TTC28: variants seen among roughly 807,000 people sequenced by gnomAD.
TTC28 encodes tetratricopeptide repeat domain 28, also known as tetratricopeptide repeat protein 28.
In TTC28, 61 loss-of-function variants were observed where a neutral mutation model predicts 198.0. That is an observed-to-expected ratio of 0.31 (90% CI 0.25 to 0.38). The LOEUF is 0.38. Among genes scored for constraint, TTC28 ranks in the 10% least tolerant of loss-of-function variants. The pLI is 1.00. For synonymous variants in TTC28, 1,171 were observed against 1,297.8 expected (o/e 0.90, Z 2.10); for missense variants, 2,678 against 3,164.0 (o/e 0.85, Z 3.69).
rs117957526 is a variant in TTC28 at position 28,260,896 on chromosome 22, C to T, written c.933+35302G>A. ...ATAAAATAGCACAGTAAGATATGCA[C>T]CATCACCTACTCCTACTTTCTCTTC... is the stretch of plus-strand genomic sequence containing the variant. On this transcript the variant is annotated intron_variant, in intron 5 of 22. Coordinates refer to ENST00000397906, the MANE Select transcript of TTC28 (RefSeq NM_001145418.2). Among the ~76,000 whole-genome samples the T allele has an allele frequency of 3.2e-3, 486 of 152,222 alleles. 1 individual carries two copies. Among genetic ancestry groups the T allele is most frequent in the East Asian group, 8.7e-3 (45 of 5,178 alleles).
At chr22:28,411,015 T>TGAAAAAAAC (rs1227066557) in intron 2 of TTC28, among the ~76,000 whole-genome samples, 3 of 151,746 alleles carry the variant, frequency 2.0e-5, no homozygotes, top group Admixed American at 2.0e-4. Context: ...AATTTGAAAA[T>TGAAAAAAAC]GAAAAAAAGA....
chr22:28,093,805 G>C (rs896690550), intron 12 of TTC28, among the ~76,000 whole-genome samples: 5 of 152,136 alleles, frequency 3.3e-5, no homozygotes, highest in African/African-American at 7.2e-5. Context: ...CCATGTTTAT[G>C]TTTAAACAGT....
At chr22:28,604,319 A>G (rs987092328) in intron 2 of TTC28, among the ~76,000 whole-genome samples, 1 of 144,984 alleles carries the variant, frequency 6.9e-6, no homozygotes, top group Non-Finnish European at 1.5e-5. Flanking sequence ...ATATATATAT[A>G]TATGTCTTTA....
chr22:28,494,245 C>G (rs1249358620), intron 2 of TTC28, among the ~76,000 whole-genome samples: 5 of 152,182 alleles, frequency 3.3e-5, no homozygotes, highest in Admixed American at 3.3e-4. Context: ...GTACTCCACT[C>G]TTAAATATTA....
intron 2 of TTC28, among the ~76,000 whole-genome samples, chr22:28,496,401 C>T (rs2048456108): frequency 6.6e-6 from 1 of 152,066 alleles, no homozygotes; most frequent in East Asian, 1.9e-4. Flanking sequence ...CAGTCTTTGC[C>T]ATTTTAGTTA....
At chr22:28,620,759 A>G (rs1011225701) in intron 2 of TTC28, among the ~76,000 whole-genome samples, 1 of 152,228 alleles carries the variant, frequency 6.6e-6, no homozygotes, top group African/African-American at 2.4e-5. Flanking sequence ...CCAAAGAACA[A>G]TAACATCTGC....
rs547953816 is a variant in TTC28, at chr22:28,313,525, G to A, written c.382-6882C>T. On this transcript the variant is annotated intron_variant, in intron 2 of 22. Transcript: ENST00000397906. ...AAAGCTTATCCACAACAATCAAGAC[G>A]GCTTCATCCCTGGGATGCAAGGCTG... Among the ~76,000 whole-genome samples, 8 of 152,206 alleles carry A rather than the reference G, an allele frequency of 5.3e-5. No homozygotes were observed. In the East Asian group the frequency reaches 5.8e-4, roughly 11 times the overall value.
intron 12 of TTC28, among the ~76,000 whole-genome samples, chr22:28,038,106 T>C (rs1939442259): frequency 6.6e-6 from 1 of 152,192 alleles, no homozygotes; most frequent in South Asian, 2.1e-4. Context: ...AGGTAATTTA[T>C]AGATTCAAGG....
intron 5 of TTC28, among the ~76,000 whole-genome samples, chr22:28,261,564 T>C (rs1931323703): frequency 6.6e-6 from 1 of 152,180 alleles, no homozygotes; most frequent in Non-Finnish European, 1.5e-5. Context: ...TGACTTACTA[T>C]TTTAACTGAT....
chr22:28,399,560 C>G (rs1190400687), intron 2 of TTC28, among the ~76,000 whole-genome samples: 1 of 152,022 alleles, frequency 6.6e-6, no homozygotes, highest in Non-Finnish European at 1.5e-5. Context: ...TCACCTTGGC[C>G]CCCCAAAGTG....
chr22:28,496,893 C>A (rs2048463094), intron 2 of TTC28, among the ~76,000 whole-genome samples: 1 of 152,170 alleles, frequency 6.6e-6, no homozygotes, highest in Non-Finnish European at 1.5e-5. Flanking sequence ...GACACACTGC[C>A]TCTGTCTACT....
intron 14 of TTC28, among the ~76,000 whole-genome samples, chr22:28,012,822 C>T (rs187966022): frequency 4.8e-4 from 73 of 152,232 alleles, no homozygotes; most frequent in Middle Eastern, 3.4e-3. Flanking sequence ...AGGTGCTTTA[C>T]ACATTTGTCT....
chr22:27,988,268 G>A (rs902652762), intron 21 of TTC28, among the ~76,000 whole-genome samples: 4 of 149,144 alleles, frequency 2.7e-5, no homozygotes, highest in Admixed American at 6.7e-5. Flanking sequence ...GACCCCGAGC[G>A]AGAAGAAGCT....
intron 2 of TTC28, among the ~76,000 whole-genome samples, chr22:28,462,895 G>C (rs75449558): frequency 8.5e-5 from 13 of 152,232 alleles, no homozygotes; most frequent in African/African-American, 2.4e-4. Flanking sequence ...CTAGAGACCA[G>C]GCTTTGAGAA....
intron 2 of TTC28, among the ~76,000 whole-genome samples, chr22:28,524,219 A>G (rs1187531736): frequency 1.3e-5 from 2 of 152,148 alleles, no homozygotes; most frequent in Non-Finnish European, 2.9e-5. Context: ...GCACTTTGGG[A>G]GGCCAAGACG....
intron 2 of TTC28, among the ~76,000 whole-genome samples, chr22:28,468,303 T>A (rs1035974229): frequency 6.6e-5 from 10 of 152,092 alleles, no homozygotes; most frequent in Non-Finnish European, 1.5e-4. Flanking sequence ...ACAATGCAAC[T>A]AGAAGAGGCC....
At chr22:28,049,087 A>C (rs1193836480) in intron 12 of TTC28, among the ~76,000 whole-genome samples, 2 of 152,098 alleles carry the variant, frequency 1.3e-5, no homozygotes, top group Non-Finnish European at 2.9e-5. Flanking sequence ...GGAGGCACGG[A>C]CCCTGTCTCA....
chr22:28,328,885 C>T lies in TTC28; in HGVS notation c.382-22242G>A, dbSNP rs148387990. Reference sequence around the variant, plus strand: ...AGCACTACAGAAAGGAGTACAAAGGCCTGAGACTGGGAAAGGTATGATTAG... The same window carrying T: ...AGCACTACAGAAAGGAGTACAAAGGTCTGAGACTGGGAAAGGTATGATTAG... On this transcript the variant is annotated intron_variant, in intron 2 of 22. Transcript: ENST00000397906. Among the ~76,000 whole-genome samples, 87 of 151,486 alleles carry T rather than the reference C, an allele frequency of 5.7e-4. No homozygotes were observed. The East Asian group carries it at 0.014, about 24-fold the overall frequency.
chr22:28,627,389 A>G (rs2051092462), intron 2 of TTC28, among the ~76,000 whole-genome samples: 1 of 152,040 alleles, frequency 6.6e-6, no homozygotes, highest in Non-Finnish European at 1.5e-5. Flanking sequence ...TGCTTTGAAA[A>G]TAGCACTCTA....
Sources: allele counts gnomAD v4.1 joint callset (sites outside exome capture counted in the v4.1 genomes callset), GRCh38; gene constraint gnomAD v4.1.1; transcripts MANE v1.5; gene names NCBI Gene and HGNC (gene_info 2026-07-23, HGNC 2026-07-21).